The following U2AF2 variants were observed in gnomAD, a reference collection of about 807,000 sequenced individuals.
U2AF2 encodes splicing factor U2AF 65 kDa subunit.
A neutral mutation model predicts 52.6 loss-of-function variants in U2AF2; 6 were observed. That is an observed-to-expected ratio of 0.11 (90% CI 0.06 to 0.23). U2AF2 has a LOEUF of 0.23. Among genes scored for constraint, U2AF2 ranks in the 10% least tolerant of loss-of-function variants. The pLI is 1.00. For missense variants in U2AF2, 222 were observed against 677.1 expected (o/e 0.33, Z 7.46); for synonymous variants, 284 against 258.2 (o/e 1.10, Z -0.96).
At chr19:55,666,989 A>AC (rs1984587610) in intron 7 of U2AF2, among the ~76,000 whole-genome samples, 1 of 152,144 alleles carries the variant, frequency 6.6e-6, no homozygotes, top group African/African-American at 2.4e-5. Flanking sequence ...GGAGGTTGAA[A>AC]GTCTTACAGG....
At chr19:55,664,966 C>A (rs1015475114) in intron 7 of U2AF2, among the ~76,000 whole-genome samples, 28 of 152,156 alleles carry the variant, frequency 1.8e-4, no homozygotes, top group Non-Finnish European at 1.5e-5. Flanking sequence ...GATCCGCTCA[C>A]CTCAGTCTCC....
chr19:55,674,566 C>T lies in U2AF2; in HGVS notation c.*498C>T, dbSNP rs1182070820. 1 of 154,234 alleles carries T rather than the reference C, an allele frequency of 6.5e-6. No individual in the cohort carries two copies. Among genetic ancestry groups the T allele is most frequent in the African/African-American group, 2.4e-5 (1 of 41,436 alleles). 9.6% of individuals were successfully genotyped at this position (154,234 alleles called of 1,614,324 possible). On this transcript the variant is annotated 3_prime_UTR_variant, in exon 12 of 12. Coordinates refer to ENST00000308924, the MANE Select transcript of U2AF2 (RefSeq NM_007279.3). The stretch of plus-strand genomic sequence containing the variant: ...GGCCTCTGGTCCTCTCTGGTCCCCT[C>T]CTGGGTTTCTTACGTAGTTGATTTT...
intron 1 of U2AF2, among the ~76,000 whole-genome samples, chr19:55,656,026 C>T (rs1157541471): frequency 6.6e-6 from 1 of 152,182 alleles, no homozygotes; most frequent in East Asian, 1.9e-4. Flanking sequence ...TGGCCCACTG[C>T]GCTAAACTCT....
At chr19:55,658,968 C>T (rs1983974568) in intron 1 of U2AF2, 1 of 475,752 alleles carries the variant, frequency 2.1e-6, no homozygotes, top group Non-Finnish European at 3.3e-6. Context: ...CCAGCTCCTC[C>T]TGAGCATCCT....
At chr19:55,665,241 C>G (rs1377085465) in intron 7 of U2AF2, among the ~76,000 whole-genome samples, 2 of 152,180 alleles carry the variant, frequency 1.3e-5, no homozygotes, top group African/African-American at 4.8e-5. Context: ...TAGTGTGTGT[C>G]AGGCGCTGTC....
intron 11 of U2AF2, 31 bp from the exon 12 acceptor site, chr19:55,673,903 G>C (rs1184833874): frequency 6.3e-7 from 1 of 1,594,956 alleles, no homozygotes; most frequent in Non-Finnish European, 8.6e-7. Flanking sequence ...CGTGAGCCTT[G>C]TTCACAAACC....
Position 55,668,881 on chromosome 19 carries a change from G to C in U2AF2, c.945+89G>C. On this transcript the variant is annotated intron_variant, in intron 9 of 11. Transcript: ENST00000308924. This position sits in a 1 kb window ranked among gnomAD's most constrained non-coding sequence, Gnocchi z 5.5. ...CATGGTCTCCCCTCCTCAGGGGACG[G>C]GGCGGGAGGCGGCCAACCTGAGGCA... is the stretch of plus-strand genomic sequence containing the variant. 1 of 1,547,434 alleles carries C rather than the reference G, an allele frequency of 6.5e-7. No individual in the cohort carries two copies. The highest frequency in any genetic ancestry group is 8.7e-7 in the Non-Finnish European group (1 of 1,145,136).
rs755829299 is a variant in U2AF2 at position 55,668,842 on chromosome 19, C to T, written c.945+50C>T. 80 of 1,579,080 alleles carry T rather than the reference C, an allele frequency of 5.1e-5. No homozygotes were observed. The highest frequency in any genetic ancestry group is 4.1e-4 in the Middle Eastern group (2 of 4,870). On this transcript the variant is annotated intron_variant, in intron 9 of 11. Transcript: ENST00000308924. The surrounding 1 kb of genome is among the most constrained non-coding windows in gnomAD (Gnocchi z 5.5). ...GCCGCGTCTGTCCTTCCCTGCCCTG[C>T]GCTGTTGCCAAGCCATGGTCTCCCC...
chr19:55,673,866 T>G, intron 11 of U2AF2, 68 bp from the exon 12 acceptor site: 1 of 1,550,380 alleles, frequency 6.5e-7, no homozygotes, highest in Non-Finnish European at 8.7e-7. Context: ...AGTGCTGGGG[T>G]TGGGTGGACG....
rs1984711797 is a variant in U2AF2 at position 55,668,960 on chromosome 19, C to T, written c.946-123C>T. On this transcript the variant is annotated intron_variant, in intron 9 of 11. Coordinates refer to ENST00000308924, the MANE Select transcript of U2AF2 (RefSeq NM_007279.3). This position sits in a 1 kb window ranked among gnomAD's most constrained non-coding sequence, Gnocchi z 5.5. Reference sequence around the variant, plus strand: ...CCATGGCGTTGGCTTTTTCCAGGCTCTTAATCCCCTTTGCCTTCCCCTCTT... The same window carrying T: ...CCATGGCGTTGGCTTTTTCCAGGCTTTTAATCCCCTTTGCCTTCCCCTCTT... The T allele has an allele frequency of 6.8e-7, 1 of 1,480,818 alleles. No individual in the cohort carries two copies. Among genetic ancestry groups the T allele is most frequent in the Non-Finnish European group, 9.1e-7 (1 of 1,098,600 alleles). 91.7% of individuals were successfully genotyped at this position (1,480,818 alleles called of 1,614,324 possible).
chr19:55,662,045 C>T (rs1009777547), intron 5 of U2AF2: 6 of 165,252 alleles, frequency 3.6e-5, no homozygotes, highest in Non-Finnish European at 6.6e-5. Flanking sequence ...GTCCTTTGCT[C>T]GTCTCTGCCC....
chr19:55,661,721 AC>A (rs1473561217), intron 5 of U2AF2: 4 of 113,904 alleles, frequency 3.5e-5, no homozygotes, highest in African/African-American at 1.4e-4. Flanking sequence ...TTCCTGTGGC[AC>A]CCCCTGAGAA....
At position 55,660,216 on chromosome 19, in the gene U2AF2, A is replaced by G. The variant is rs1243917698; in HGVS notation, c.225A>G (p.Gly75=). Residue 75 remains glycine, a synonymous_variant, in exon 3 of 12, where the codon GGA becomes GGG. Coordinates refer to ENST00000308924, the MANE Select transcript of U2AF2 (RefSeq NM_007279.3). Reference sequence around the variant, plus strand: ...GAGGCGCTAAAGAGGAGCACGGTGGACTGATGTGAGCTTCTCTTCCTGCCC... The same window carrying G: ...GAGGCGCTAAAGAGGAGCACGGTGGGCTGATGTGAGCTTCTCTTCCTGCCC... The part of the protein sequence containing the change: ...LTRGAKEEHG[G]LIRSPRHEKK... 1 of 1,513,532 alleles carries G rather than the reference A, an allele frequency of 6.6e-7. No homozygotes were observed. Among genetic ancestry groups the G allele is most frequent in the Non-Finnish European group, 8.9e-7 (1 of 1,121,880 alleles). 93.8% of individuals were successfully genotyped at this position (1,513,532 alleles called of 1,614,324 possible). A position where few individuals can be genotyped will look rare whatever the true frequency, so the allele number is the denominator to read the frequency against.
rs753671754 is a variant in U2AF2, at chr19:55,660,632, C to A, written c.334+13C>A. ...AAGGCCATGCAAGGTAGGCCCCTGG[C>A]CAGGCTGCTCCCAGAGCGGGAGGGT... On this transcript the variant is annotated intron_variant, in intron 4 of 11. Coordinates refer to ENST00000308924, the MANE Select transcript of U2AF2 (RefSeq NM_007279.3). The A allele has an allele frequency of 2.0e-5, 33 of 1,609,956 alleles. 1 individual carries two copies. The Admixed American group carries it at 5.6e-4, about 27-fold the overall frequency.
chr19:55,669,781 CT>C, intron 11 of U2AF2, 89 bp downstream of exon 11: 1 of 1,458,882 alleles, frequency 6.9e-7, no homozygotes, highest in African/African-American at 1.4e-5. Context: ...CCCTCACCCT[CT>C]CCCCCTCCTC....
intron 4 of U2AF2, 31 bp from the exon 5 acceptor site, chr19:55,661,007 G>A: frequency 6.4e-7 from 1 of 1,552,000 alleles, no homozygotes; most frequent in Non-Finnish European, 8.8e-7. Context: ...TCCCCTGATG[G>A]GGTTTTATCC....
intron 5 of U2AF2, 70 bp from the exon 6 acceptor site, chr19:55,662,432 T>A: frequency 3.1e-6 from 2 of 649,788 alleles, no homozygotes; most frequent in Non-Finnish European, 4.3e-6. Flanking sequence ...TGTCTCCCTC[T>A]CTCACCCTTC....
At chr19:55,655,236 T>TC (rs1209974734) in intron 1 of U2AF2, 83 bp downstream of exon 1, 4 of 1,463,928 alleles carry the variant, frequency 2.7e-6, no homozygotes, top group Non-Finnish European at 2.8e-6. Context: ...CTCCCTCGCT[T>TC]CCCCCCACTT....
At chr19:55,661,302 C>T (rs1485639010) in intron 5 of U2AF2, 113 bp downstream of exon 5, 2 of 1,188,500 alleles carry the variant, frequency 1.7e-6, no homozygotes, top group Non-Finnish European at 2.2e-6. Context: ...CCTGCAAGAC[C>T]CCCCGGCCCC....
Sources: gnomAD v4.1 joint callset for allele counts (sites outside exome capture counted in the v4.1 genomes callset) on GRCh38, gnomAD v4.1.1 for gene constraint, Gnocchi (gnomAD v3.1) non-coding constraint, MANE v1.5 for transcripts, NCBI Gene and HGNC (gene_info 2026-07-23, HGNC 2026-07-21) for gene names.